The following AKAP7 variants were observed in gnomAD, a reference collection of about 807,000 sequenced individuals.
AKAP7 encodes A-kinase anchoring protein 7, also known as A kinase (PRKA) anchor protein 7.
Under a neutral mutation model 39.5 loss-of-function variants are expected in AKAP7, and 39 were observed. The ratio of observed to expected loss-of-function variants is 0.99; its 90% confidence interval spans 0.76 to 1.29. AKAP7 has a LOEUF of 1.29. Among genes scored for constraint, AKAP7 ranks in the 50% most tolerant of loss-of-function variants. AKAP7 has a pLI of 0.00. For synonymous variants in AKAP7, 140 were observed against 139.1 expected (o/e 1.01, Z -0.05); for missense variants, 414 against 407.7 (o/e 1.02, Z -0.13).
chr6:131,128,254 T>C, the AKAP7 span, among the ~76,000 whole-genome samples: 1 of 152,164 alleles, frequency 6.6e-6, no homozygotes, highest in South Asian at 2.1e-4. Flanking sequence ...AGAAGCTTTT[T>C]ATAAAGAGAG....
chr6:131,207,491 A>ATATTTTTTTTTTTTTTTTTTTTT (rs1554211848), intron 6 of AKAP7, among the ~76,000 whole-genome samples: 4 of 78,806 alleles, frequency 5.1e-5, no homozygotes, highest in African/African-American at 2.0e-4. Flanking sequence ...GCTAATTAAA[A>ATATTTTTTTTTTTTTTTTTTTTT]TTTTTTTTTT....
chr6:131,155,614 G>A (rs1802350193), intron 2 of AKAP7, among the ~76,000 whole-genome samples: 1 of 152,050 alleles, frequency 6.6e-6, no homozygotes, highest in Non-Finnish European at 1.5e-5. Flanking sequence ...TTTCCTATAT[G>A]ACTATTTGGT....
intron 5 of AKAP7, among the ~76,000 whole-genome samples, chr6:131,185,804 A>G (rs1183302281): frequency 1.3e-5 from 2 of 152,194 alleles, no homozygotes; most frequent in Non-Finnish European, 2.9e-5. Context: ...ATGATGCACA[A>G]AAGTTTTAAA....
intron 7 of AKAP7, among the ~76,000 whole-genome samples, chr6:131,255,446 T>C (rs1812765334): frequency 6.6e-6 from 1 of 152,190 alleles, no homozygotes; most frequent in East Asian, 1.9e-4. Flanking sequence ...ACACTTAGAC[T>C]TTACATTCTG....
intron 7 of AKAP7, among the ~76,000 whole-genome samples, chr6:131,231,821 T>C (rs1430482666): frequency 6.6e-6 from 1 of 152,190 alleles, no homozygotes; most frequent in Non-Finnish European, 1.5e-5. Context: ...TCCAGTCTTG[T>C]TTCTTTTTGC....
At chr6:131,161,092 G>A (rs1802898468) in intron 3 of AKAP7, among the ~76,000 whole-genome samples, 1 of 152,080 alleles carries the variant, frequency 6.6e-6, no homozygotes, top group Admixed American at 6.6e-5. Context: ...TAACTAGAAT[G>A]TCTCTAGGGA....
At chr6:131,214,058 G>C (rs1268592943) in intron 6 of AKAP7, among the ~76,000 whole-genome samples, 1 of 151,748 alleles carries the variant, frequency 6.6e-6, no homozygotes. Flanking sequence ...ATTAGGACCA[G>C]GAGGCAACCA....
the AKAP7 span, among the ~76,000 whole-genome samples, chr6:131,128,293 A>C: frequency 6.6e-6 from 1 of 152,176 alleles, no homozygotes; most frequent in African/African-American, 2.4e-5. Flanking sequence ...AACACATGAA[A>C]TAATATGCAG....
At chr6:131,142,415 C>T (rs1801122733) in intron 1 of AKAP7, among the ~76,000 whole-genome samples, 1 of 152,222 alleles carries the variant, frequency 6.6e-6, no homozygotes, top group South Asian at 2.1e-4. Context: ...AAGGCCCCAG[C>T]GACAGCTCTG....
chr6:131,199,407 A>G (rs866891794), intron 5 of AKAP7, 54 bp from the exon 6 acceptor site: 3 of 1,247,120 alleles, frequency 2.4e-6, no homozygotes, highest in Middle Eastern at 3.8e-4. Flanking sequence ...TTACAGTTAA[A>G]AAGAACTGAA....
intron 7 of AKAP7, among the ~76,000 whole-genome samples, chr6:131,253,395 G>A (rs944196035): frequency 1.3e-5 from 2 of 152,172 alleles, no homozygotes; most frequent in Admixed American, 1.3e-4. Flanking sequence ...TGCATGCAAT[G>A]TGTAAGGATC....
chr6:131,165,888 C>T (rs1192967810), intron 4 of AKAP7, among the ~76,000 whole-genome samples: 1 of 152,118 alleles, frequency 6.6e-6, no homozygotes, highest in Non-Finnish European at 1.5e-5. Flanking sequence ...TCTGTTACCT[C>T]CTATATAGCT....
intron 7 of AKAP7, among the ~76,000 whole-genome samples, chr6:131,221,887 G>A (rs1198778539): frequency 6.6e-6 from 1 of 152,176 alleles, no homozygotes; most frequent in African/African-American, 2.4e-5. Context: ...AATGTACAAG[G>A]AGTTTAGTGT....
intron 5 of AKAP7, among the ~76,000 whole-genome samples, chr6:131,173,671 G>A (rs1804300400): frequency 6.6e-6 from 1 of 152,158 alleles, no homozygotes; most frequent in Admixed American, 6.5e-5. Flanking sequence ...TGGGACCAAT[G>A]CCCACAGTTA....
chr6:131,178,588 C>G (rs1200985958), intron 5 of AKAP7, among the ~76,000 whole-genome samples: 1 of 152,204 alleles, frequency 6.6e-6, no homozygotes, highest in Non-Finnish European at 1.5e-5. Context: ...ATTCTAGTTG[C>G]CATTTACTTC....
At chr6:131,262,549 A>G (rs1813435731) in intron 7 of AKAP7, among the ~76,000 whole-genome samples, 3 of 152,308 alleles carry the variant, frequency 2.0e-5, no homozygotes, top group South Asian at 4.1e-4. Context: ...ATTTTTCACA[A>G]TAAAATTCCA....
intron 7 of AKAP7, among the ~76,000 whole-genome samples, chr6:131,245,710 G>A (rs1811949972): frequency 6.6e-6 from 1 of 152,036 alleles, no homozygotes; most frequent in Non-Finnish European, 1.5e-5. Flanking sequence ...GTTTCCATGA[G>A]TGGGCTACCA....
chr6:131,192,481 G>A (rs1182140074), intron 5 of AKAP7, among the ~76,000 whole-genome samples: 1 of 152,168 alleles, frequency 6.6e-6, no homozygotes, highest in Non-Finnish European at 1.5e-5. Context: ...TGCTGTTTTT[G>A]TTACTATAGC....
rs560218606 is a variant in AKAP7, at chr6:131,243,819, A to C, written c.850+24011A>C. ...TTTACATTGTTAAACTACAAGTAAAATCTTCTCATTGGGCCCTGTTGGTGT... is the reference window on the plus strand; with the variant it reads ...TTTACATTGTTAAACTACAAGTAAACTCTTCTCATTGGGCCCTGTTGGTGT... On this transcript the variant is annotated intron_variant, in intron 7 of 7. Coordinates refer to ENST00000431975, the MANE Select transcript of AKAP7 (RefSeq NM_016377.4). Among the ~76,000 whole-genome samples, 9 of 147,762 alleles carry C rather than the reference A, an allele frequency of 6.1e-5. No homozygotes were observed. The South Asian group carries it at 1.8e-3, about 29-fold the overall frequency.
Sources: gnomAD v4.1 joint callset for allele counts (sites outside exome capture counted in the v4.1 genomes callset) on GRCh38, gnomAD v4.1.1 for gene constraint, MANE v1.5 for transcripts, NCBI Gene and HGNC (gene_info 2026-07-23, HGNC 2026-07-21) for gene names.